The following DAB1 variants were observed in gnomAD, a reference collection of about 807,000 sequenced individuals.
DAB1 encodes the protein DAB adaptor protein 1.
In DAB1, 15 loss-of-function variants were observed where a neutral mutation model predicts 64.6. The observed-to-expected ratio is 0.23, with a 90% confidence interval of 0.16 to 0.36. The LOEUF (loss-of-function observed/expected upper bound fraction) is 0.36. Among genes scored for constraint, DAB1 ranks in the 10% least tolerant of loss-of-function variants. DAB1 has a pLI of 1.00. For missense variants in DAB1, 596 were observed against 706.7 expected, an observed-to-expected ratio of 0.84 and a Z score of 1.78; for synonymous variants, 235 against 251.9, an observed-to-expected ratio of 0.93 and a Z score of 0.64.
intron 7 of DAB1, among the ~76,000 whole-genome samples, chr1:57,472,559 G>A (rs1687176910): frequency 6.6e-6 from 1 of 152,176 alleles, no homozygotes; most frequent in African/African-American, 2.4e-5. Context: ...AAAGCACTGT[G>A]AAAATCCCTA....
chr1:57,426,225 G>C (rs1685280219), upstream of DAB1, among the ~76,000 whole-genome samples: 1 of 152,176 alleles, frequency 6.6e-6, no homozygotes, highest in African/African-American at 2.4e-5. Flanking sequence ...TACAGACTTT[G>C]AAGAGAATTA....
intron 1 of DAB1, among the ~76,000 whole-genome samples, chr1:58,535,306 TAAG>T (rs1393206162): frequency 6.6e-6 from 1 of 152,082 alleles, no homozygotes; most frequent in African/African-American, 2.4e-5. Context: ...TTTTTTCACT[TAAG>T]AATCAACAAG....
intron 5 of DAB1, among the ~76,000 whole-genome samples, chr1:58,006,916 T>C (rs1220215204): frequency 6.6e-6 from 1 of 152,216 alleles, no homozygotes; most frequent in Non-Finnish European, 1.5e-5. Context: ...AATGATGCCA[T>C]TCTGCTTTGT....
At chr1:57,005,563 T>C (rs1290221678) in intron 14 of DAB1, among the ~76,000 whole-genome samples, 2 of 152,190 alleles carry the variant, frequency 1.3e-5, no homozygotes, top group Non-Finnish European at 2.9e-5. Context: ...GCAAGTTAGA[T>C]GGTCTTAAAA....
intron 7 of DAB1, among the ~76,000 whole-genome samples, chr1:57,564,502 C>T (rs1158277440): frequency 2.0e-5 from 3 of 152,114 alleles, no homozygotes; most frequent in African/African-American, 7.2e-5. Flanking sequence ...AGGAGGAAGT[C>T]TGAACCCATC....
At chr1:57,739,837 T>C (rs965131337) in intron 6 of DAB1, among the ~76,000 whole-genome samples, 2 of 151,886 alleles carry the variant, frequency 1.3e-5, no homozygotes, top group African/African-American at 2.4e-5. Flanking sequence ...AGTAAAATCA[T>C]GGGTTTAAGA....
chr1:57,927,191 C>A (rs1278441035), intron 5 of DAB1, among the ~76,000 whole-genome samples: 2 of 152,196 alleles, frequency 1.3e-5, no homozygotes, highest in Non-Finnish European at 2.9e-5. Flanking sequence ...ACACAAAGAC[C>A]TTGCTAATTC....
At chr1:58,199,735 A>G (rs1011765012) in intron 4 of DAB1, among the ~76,000 whole-genome samples, 1 of 152,230 alleles carries the variant, frequency 6.6e-6, no homozygotes, top group Non-Finnish European at 1.5e-5. Context: ...ATCACCTTAC[A>G]TTAATTACGG....
chr1:58,221,739 G>A (rs540580586), intron 4 of DAB1, among the ~76,000 whole-genome samples: 22 of 152,344 alleles, frequency 1.4e-4, no homozygotes, highest in Admixed American at 6.5e-4. Flanking sequence ...GGGGAGCTAT[G>A]CAAATGCAAC....
chr1:57,835,267 G>A lies in DAB1; in HGVS notation n.88-8812C>T, dbSNP rs112966513. Among the ~76,000 whole-genome samples, 572 of 152,238 alleles carry A rather than the reference G, an allele frequency of 3.8e-3. 7 individuals carry two copies. The highest frequency in any genetic ancestry group is 0.013 in the African/African-American group (535 of 41,538). On this transcript the variant is annotated intron_variant and non_coding_transcript_variant, in intron 1 of 1. Coordinates refer to the DAB1 transcript ENST00000477280. ...GAAAGGCATCTGACATTTTCTGAGA[G>A]CTTGTTATAAGCCAGGAAACCATGT...
chr1:57,838,848 C>T, intron 1 of DAB1, among the ~76,000 whole-genome samples: 1 of 151,196 alleles, frequency 6.6e-6, no homozygotes, highest in Admixed American at 6.6e-5. Context: ...ACAATCATGG[C>T]TCACTGTAGC....
rs531015072 is a variant in DAB1 at position 57,117,127 on chromosome 1, G to A, written c.306+19416C>T. 1.3e-4 allele frequency among the ~76,000 whole-genome samples: 20 copies of A among 152,254 alleles called. No homozygotes were observed. The South Asian group carries it at 3.9e-3, about 30-fold the overall frequency. ...CTCTCTCCAATTAAGATACAGAATT[G>A]GTGAGAAGAGTAATTTGGCTGAAAA... On this transcript the variant is annotated intron_variant, in intron 4 of 14. Coordinates refer to ENST00000371236, the MANE Select transcript of DAB1 (RefSeq NM_001365792.1).
chr1:57,690,334 G>A (rs1558613977), intron 6 of DAB1, among the ~76,000 whole-genome samples: 1 of 152,140 alleles, frequency 6.6e-6, no homozygotes, highest in African/African-American at 2.4e-5. Flanking sequence ...TGTCAGAGGA[G>A]GGGCATGGTG....
At chr1:58,214,840 G>A (rs529874397) in intron 4 of DAB1, among the ~76,000 whole-genome samples, 1 of 152,252 alleles carries the variant, frequency 6.6e-6, no homozygotes, top group East Asian at 1.9e-4. Context: ...TGCTCTTGGG[G>A]CAGGCCACTG....
At chr1:58,070,226 G>A (rs1251493332) in intron 5 of DAB1, among the ~76,000 whole-genome samples, 2 of 152,184 alleles carry the variant, frequency 1.3e-5, no homozygotes, top group Non-Finnish European at 2.9e-5. Flanking sequence ...TTCAGTTTCA[G>A]TTTACAGAAG....
chr1:57,249,238 A>T (rs964448264), intron 2 of DAB1, among the ~76,000 whole-genome samples: 1 of 152,154 alleles, frequency 6.6e-6, no homozygotes, highest in Non-Finnish European at 1.5e-5. Context: ...CACATTTTGC[A>T]CTATGGCAAT....
At chr1:57,803,982 CTA>C in intron 6 of DAB1, among the ~76,000 whole-genome samples, 1 of 152,222 alleles carries the variant, frequency 6.6e-6, no homozygotes, top group Non-Finnish European at 1.5e-5. Context: ...GATTGTTGTT[CTA>C]TGTTTCAGCT....
chr1:58,326,906 G>A (rs577033777), intron 4 of DAB1, among the ~76,000 whole-genome samples: 5 of 152,166 alleles, frequency 3.3e-5, no homozygotes, highest in Admixed American at 3.3e-4. Context: ...AATCCCTCTT[G>A]GCTTTGATTT....
At chr1:57,917,905 A>T (rs1644750898) in intron 5 of DAB1, among the ~76,000 whole-genome samples, 1 of 151,960 alleles carries the variant, frequency 6.6e-6, no homozygotes. Context: ...ATCATTTTCT[A>T]AAAATGTGAT....
Sources: gnomAD v4.1 joint callset for allele counts (sites outside exome capture counted in the v4.1 genomes callset) on GRCh38, gnomAD v4.1.1 for gene constraint, MANE v1.5 for transcripts, NCBI Gene and HGNC (gene_info 2026-07-23, HGNC 2026-07-21) for gene names.